CD53: variants seen among roughly 807,000 people sequenced by gnomAD.
CD53 encodes CD53 molecule.
CD53 carries 20 observed loss-of-function variants against 27.3 expected under a neutral mutation model. The ratio of observed to expected loss-of-function variants is 0.73; its 90% CI spans 0.52 to 1.07. The LOEUF is 1.07. Among genes scored for constraint, CD53 ranks in the 50% least tolerant of loss-of-function variants. The probability of loss-of-function intolerance (pLI) is 0.00; values close to 1 mark genes in which losing one functional copy is unlikely to be tolerated. For synonymous variants in CD53, 106 were observed against 105.3 expected, an observed-to-expected ratio of 1.01 and a Z score of -0.04; for missense variants, 216 against 264.0, an observed-to-expected ratio of 0.82 and a Z score of 1.26.
At chr1:110,874,119 G>A (rs1656044680) in intron 1 of CD53, among the ~76,000 whole-genome samples, 1 of 152,130 alleles carries the variant, frequency 6.6e-6, no homozygotes, top group Non-Finnish European at 1.5e-5. Context: ...CAAGACCTGT[G>A]AGAATTTCAC....
chr1:110,877,204 G>T (rs925047943), intron 1 of CD53, among the ~76,000 whole-genome samples: 15 of 152,246 alleles, frequency 9.9e-5, no homozygotes, highest in Admixed American at 3.3e-4. Flanking sequence ...GAAGAGTAAG[G>T]TCAGTTCTTT....
chr1:110,887,195 C>G (rs907273220), intron 1 of CD53, among the ~76,000 whole-genome samples: 1 of 151,954 alleles, frequency 6.6e-6, no homozygotes, highest in African/African-American at 2.4e-5. Flanking sequence ...TCCCGAGTAG[C>G]TGGGACTACA....
rs145265771 is a variant in CD53, at chr1:110,890,678, T to A, written c.-17-714T>A. Among the ~76,000 whole-genome samples, 434 of 152,372 alleles carry A rather than the reference T, an allele frequency of 2.8e-3. 2 individuals carry two copies. Among genetic ancestry groups the A allele is most frequent in the African/African-American group, 0.01 (418 of 41,590 alleles). Reference sequence around the variant, plus strand: ...TTGAGAACCAGACATTGGACATTGATGTCCTCACTAAGAAAATGATATTCT... The same window carrying A: ...TTGAGAACCAGACATTGGACATTGAAGTCCTCACTAAGAAAATGATATTCT... On this transcript the variant is annotated intron_variant, in intron 1 of 7. Transcript: ENST00000271324.
intron 1 of CD53, among the ~76,000 whole-genome samples, chr1:110,887,396 G>A (rs1656670937): frequency 6.6e-6 from 1 of 152,090 alleles, no homozygotes; most frequent in Non-Finnish European, 1.5e-5. Flanking sequence ...CTGGCTTAAT[G>A]GCTTTACTAA....
intron 1 of CD53, among the ~76,000 whole-genome samples, chr1:110,886,869 A>ATTTT (rs71575170): frequency 0.014 from 1,185 of 82,754 alleles, 21 homozygotes; most frequent in Middle Eastern, 0.026. Context: ...ATATATATAT[A>ATTTT]TTTTTTTTTT....
chr1:110,886,028 A>G (rs1656586067), intron 1 of CD53, among the ~76,000 whole-genome samples: 1 of 152,044 alleles, frequency 6.6e-6, no homozygotes, highest in South Asian at 2.1e-4. Context: ...TGCTTTTAAC[A>G]TTTCTTGTAG....
chr1:110,885,672 G>A (rs1171992216), intron 1 of CD53, among the ~76,000 whole-genome samples: 1 of 152,004 alleles, frequency 6.6e-6, no homozygotes, highest in African/African-American at 2.4e-5. Context: ...AGACCAGCCT[G>A]GCCAACATGG....
intron 1 of CD53, among the ~76,000 whole-genome samples, chr1:110,873,978 C>G (rs1164078201): frequency 1.3e-5 from 2 of 152,206 alleles, no homozygotes; most frequent in Admixed American, 6.5e-5. Context: ...AAACTTGATA[C>G]TGCAGTAATT....
intron 1 of CD53, among the ~76,000 whole-genome samples, chr1:110,883,638 A>T (rs1420842247): frequency 4.0e-5 from 6 of 151,874 alleles, no homozygotes; most frequent in Admixed American, 2.6e-4. Flanking sequence ...TCTGCCTTAC[A>T]TGTTTAGTAG....
intron 1 of CD53, among the ~76,000 whole-genome samples, chr1:110,889,793 C>A (rs1656781109): frequency 2.0e-5 from 3 of 152,102 alleles, no homozygotes; most frequent in African/African-American, 7.2e-5. Context: ...GAGGAAAATT[C>A]AAGTTTGACC....
chr1:110,887,280 C>G (rs12126989), intron 1 of CD53, among the ~76,000 whole-genome samples: 97,225 of 151,730 alleles, frequency 0.64, 33,187 homozygotes, highest in Non-Finnish European at 0.77. Flanking sequence ...TAGCCAGGAT[C>G]GTCTCGATCT....
chr1:110,894,533 G>A, intron 4 of CD53, 132 bp downstream of exon 4: 3 of 706,716 alleles, frequency 4.2e-6, no homozygotes, highest in Admixed American at 4.8e-5. Flanking sequence ...AGAGGAAACA[G>A]AGAGTAATTG....
At chr1:110,875,097 G>A (rs915923221) in intron 1 of CD53, among the ~76,000 whole-genome samples, 1 of 152,204 alleles carries the variant, frequency 6.6e-6, no homozygotes, top group Non-Finnish European at 1.5e-5. Context: ...CTAGAGAGGT[G>A]ACTGGTGGGT....
upstream of CD53, among the ~76,000 whole-genome samples, chr1:110,871,619 G>A (rs1655969522): frequency 6.6e-6 from 1 of 152,114 alleles, no homozygotes; most frequent in Non-Finnish European, 1.5e-5. Context: ...AGTAATTAGA[G>A]CCATCAGAAT....
At chr1:110,878,686 C>G (rs574052) in intron 1 of CD53, among the ~76,000 whole-genome samples, 48 of 152,086 alleles carry the variant, frequency 3.2e-4, no homozygotes, top group African/African-American at 1.1e-3. Flanking sequence ...TCTTAGCTTA[C>G]AAAGGTGTTT....
At chr1:110,882,919 C>T (rs914121544) in intron 1 of CD53, among the ~76,000 whole-genome samples, 1 of 151,964 alleles carries the variant, frequency 6.6e-6, no homozygotes. Flanking sequence ...TTTCTAGCAA[C>T]CTTGCTACAC....
chr1:110,888,531 T>C (rs1261227089), intron 1 of CD53, among the ~76,000 whole-genome samples: 1 of 152,206 alleles, frequency 6.6e-6, no homozygotes, highest in East Asian at 1.9e-4. Flanking sequence ...TATTTTATAG[T>C]CTACATTTTT....
chr1:110,898,510 G>GA (rs1008112924), intron 7 of CD53, among the ~76,000 whole-genome samples: 34 of 151,956 alleles, frequency 2.2e-4, no homozygotes, highest in African/African-American at 7.5e-4. Context: ...CAGCTGGTCT[G>GA]AAAAATACGA....
chr1:110,871,916 A>G (rs951959488), upstream of CD53, among the ~76,000 whole-genome samples: 1 of 152,010 alleles, frequency 6.6e-6, no homozygotes, highest in African/African-American at 2.4e-5. Context: ...AGAGAATATT[A>G]AGGACTGACA....
Sources: gnomAD v4.1 joint callset for allele counts (sites outside exome capture counted in the v4.1 genomes callset) on GRCh38, gnomAD v4.1.1 for gene constraint, MANE v1.5 for transcripts, NCBI Gene and HGNC (gene_info 2026-07-23, HGNC 2026-07-21) for gene names.